ANO3: variants seen among roughly 807,000 people sequenced by gnomAD.
The protein encoded by ANO3 is anoctamin-3.
In ANO3, 99 loss-of-function variants were observed where a neutral mutation model predicts 144.8. The ratio of observed to expected loss-of-function variants is 0.68; its 90% CI spans 0.58 to 0.81. The LOEUF is 0.81. Ranked by LOEUF, ANO3 falls within the 30% of genes least tolerant of loss-of-function variation. The probability of loss-of-function intolerance (pLI) is 0.00; values close to 1 mark genes in which losing one functional copy is unlikely to be tolerated. For synonymous variants in ANO3, 414 were observed against 392.6 expected (o/e 1.05, Z -0.64); for missense variants, 905 against 1,202.2 (o/e 0.75, Z 3.66).
chr11:26,643,113 T>G, intron 22 of ANO3, 69 bp from the exon 23 acceptor site: 1 of 1,465,354 alleles, frequency 6.8e-7, no homozygotes, highest in Non-Finnish European at 9.4e-7. Flanking sequence ...TAAAAGCAAT[T>G]TATATAAAGC....
intron 1 of ANO3, among the ~76,000 whole-genome samples, chr11:26,410,022 A>G (rs1309861310): frequency 6.6e-6 from 1 of 151,974 alleles, no homozygotes; most frequent in African/African-American, 2.4e-5. Flanking sequence ...CAATACTTTC[A>G]TGAATACCTG....
intron 1 of ANO3, among the ~76,000 whole-genome samples, chr11:26,250,481 C>T (rs796828245): frequency 3.9e-5 from 6 of 152,296 alleles, no homozygotes; most frequent in Admixed American, 6.5e-5. Context: ...CACTATTTTA[C>T]GGTATTTCTA....
At chr11:26,442,250 C>A in intron 2 of ANO3, 138 bp downstream of exon 2, 1 of 798,230 alleles carries the variant, frequency 1.3e-6, no homozygotes, top group Non-Finnish European at 1.9e-6. Flanking sequence ...GAGACCAGTA[C>A]ACCATGCCAT....
chr11:26,445,523 C>T (rs1858670985), intron 3 of ANO3, among the ~76,000 whole-genome samples: 1 of 152,000 alleles, frequency 6.6e-6, no homozygotes, highest in Admixed American at 6.6e-5. Context: ...TTGTGTGTCT[C>T]GGTTATTTGT....
At chr11:26,617,746 A>G (rs1852301726) in intron 17 of ANO3, among the ~76,000 whole-genome samples, 1 of 152,236 alleles carries the variant, frequency 6.6e-6, no homozygotes, top group African/African-American at 2.4e-5. Context: ...GAACTATAAT[A>G]CAGCCAACTC....
At chr11:26,413,148 A>G (rs1590339092) in intron 1 of ANO3, among the ~76,000 whole-genome samples, 1 of 151,946 alleles carries the variant, frequency 6.6e-6, no homozygotes, top group Non-Finnish European at 1.5e-5. Context: ...TACCAGTAGT[A>G]CTGTGTTTTG....
chr11:26,478,580 T>C (rs973654391), intron 4 of ANO3, among the ~76,000 whole-genome samples: 1 of 152,164 alleles, frequency 6.6e-6, no homozygotes, highest in Non-Finnish European at 1.5e-5. Context: ...CTAGAACTTA[T>C]ATAGGAAAAG....
At chr11:26,499,507 A>C (rs1439808566) in intron 4 of ANO3, among the ~76,000 whole-genome samples, 1 of 108,230 alleles carries the variant, frequency 9.2e-6, no homozygotes, top group Non-Finnish European at 2.1e-5. Flanking sequence ...GTTTATTTCC[A>C]TTAAATTAAC....
chr11:26,464,959 A>G (rs1161807858), intron 4 of ANO3, among the ~76,000 whole-genome samples: 1 of 151,842 alleles, frequency 6.6e-6, no homozygotes, highest in African/African-American at 2.4e-5. Flanking sequence ...AAGTTTATCT[A>G]CAAGTGAAGA....
chr11:26,561,682 G>T (rs75525455), intron 14 of ANO3, among the ~76,000 whole-genome samples: 1 of 151,852 alleles, frequency 6.6e-6, no homozygotes, highest in African/African-American at 2.4e-5. Flanking sequence ...AACCATTTAA[G>T]GTGGAGGAGA....
upstream of ANO3, among the ~76,000 whole-genome samples, chr11:26,327,662 T>C (rs1161696552): frequency 6.6e-6 from 1 of 152,160 alleles, no homozygotes; most frequent in Admixed American, 6.5e-5. Context: ...GACTTGATGA[T>C]TTTTGTTTAA....
In ANO3 at chr11:26,463,055, G is replaced by A. The variant is rs375037623; in HGVS notation, c.339G>A (p.Thr113=). 2.3e-5 allele frequency: 37 copies of A among 1,586,928 alleles called. No individual in the cohort carries two copies. The East Asian group carries it at 3.4e-4, about 15-fold the overall frequency. The part of the protein sequence containing the change: ...CLALGKDKDY[T]DESEHATYDR... ...CCCTAGGAAAAGATAAGGATTACAC[G>A]GATGAATCAGAACACGCTACTTATG... is the stretch of plus-strand genomic sequence containing the variant. Residue 113 remains threonine, a synonymous_variant, in exon 4 of 27, where the codon ACG becomes ACA. Transcript: ENST00000256737.
chr11:26,642,166 T>G, intron 22 of ANO3, 137 bp downstream of exon 22: 2 of 890,382 alleles, frequency 2.2e-6, no homozygotes, highest in Non-Finnish European at 3.3e-6. Context: ...TGCACCTTCA[T>G]CTCAAGGAGC....
chr11:26,189,273 G>A, exon 1 of ANO3: 1 of 985,278 alleles, frequency 1.0e-6, no homozygotes, highest in Non-Finnish European at 1.2e-6. Flanking sequence ...CTGTTTGACT[G>A]AACTCTCTGG....
intron 1 of ANO3, among the ~76,000 whole-genome samples, chr11:26,213,478 C>T (rs1352923408): frequency 6.6e-6 from 1 of 152,110 alleles, no homozygotes; most frequent in Non-Finnish European, 1.5e-5. Flanking sequence ...TTCTTATACA[C>T]CAATAACAGA....
intron 7 of ANO3, among the ~76,000 whole-genome samples, chr11:26,530,104 T>C (rs1849325572): frequency 6.6e-6 from 1 of 152,224 alleles, no homozygotes; most frequent in Admixed American, 6.5e-5. Flanking sequence ...GTGAGAATCT[T>C]AAAAGTCCTG....
At chr11:26,361,109 A>G (rs1357823569) in intron 1 of ANO3, among the ~76,000 whole-genome samples, 1 of 152,204 alleles carries the variant, frequency 6.6e-6, no homozygotes, top group Non-Finnish European at 1.5e-5. Flanking sequence ...TTTCAATACT[A>G]ATTTAACTAT....
chr11:26,390,340 A>G (rs1360084580), intron 1 of ANO3, among the ~76,000 whole-genome samples: 2 of 151,884 alleles, frequency 1.3e-5, no homozygotes, highest in Non-Finnish European at 2.9e-5. Context: ...TTCCTGGTTT[A>G]CTCTTCAGTG....
At chr11:26,375,151 G>C (rs1856370903) in intron 1 of ANO3, among the ~76,000 whole-genome samples, 3 of 152,168 alleles carry the variant, frequency 2.0e-5, no homozygotes, top group African/African-American at 2.4e-5. Context: ...GGGATGATGG[G>C]TGACAGTGAC....
Sources: allele counts gnomAD v4.1 joint callset (sites outside exome capture counted in the v4.1 genomes callset), GRCh38; gene constraint gnomAD v4.1.1; transcripts MANE v1.5; gene names NCBI Gene and HGNC (gene_info 2026-07-23, HGNC 2026-07-21).